The following LHFPL3 variants were observed in gnomAD, a reference collection of about 807,000 sequenced individuals.
LHFPL3 encodes LHFPL tetraspan subfamily member 3 protein.
Under a neutral mutation model 19.3 loss-of-function variants are expected in LHFPL3, and 5 were observed. The ratio of observed to expected loss-of-function variants is 0.26; its 90% CI spans 0.14 to 0.54. The LOEUF is 0.54. Among genes scored for constraint, LHFPL3 ranks in the 20% least tolerant of loss-of-function variants. The pLI, the probability that LHFPL3 is intolerant of heterozygous loss-of-function variation, is 0.94. For missense variants in LHFPL3, 249 were observed against 307.4 expected, an observed-to-expected ratio of 0.81 and a Z score of 1.42; for synonymous variants, 133 against 126.2, an observed-to-expected ratio of 1.05 and a Z score of -0.36.
intron 2 of LHFPL3, chr7:104,845,330 T>G: frequency 3.0e-6 from 3 of 998,440 alleles, no homozygotes; most frequent in African/African-American, 1.6e-5. Context: ...AAATGAAGTG[T>G]GAGCTCTTAT....
intron 1 of LHFPL3, among the ~76,000 whole-genome samples, chr7:104,561,471 T>G (rs1456608956): frequency 6.6e-6 from 1 of 150,494 alleles, no homozygotes; most frequent in Non-Finnish European, 1.5e-5. Flanking sequence ...TTTGTTGGTT[T>G]AAAGTCTGTT....
chr7:104,395,852 G>T (rs1263916617), intron 1 of LHFPL3, among the ~76,000 whole-genome samples: 1 of 152,102 alleles, frequency 6.6e-6, no homozygotes, highest in African/African-American at 2.4e-5. Context: ...TTTAGACTTT[G>T]CAACACTCTC....
chr7:104,868,865 T>C (rs1378626091), intron 2 of LHFPL3, among the ~76,000 whole-genome samples: 1 of 152,170 alleles, frequency 6.6e-6, no homozygotes, highest in East Asian at 1.9e-4. Context: ...ATGGTACTGG[T>C]ACCAAAACAG....
At chr7:104,395,398 T>G (rs1283984108) in intron 1 of LHFPL3, among the ~76,000 whole-genome samples, 1 of 152,232 alleles carries the variant, frequency 6.6e-6, no homozygotes, top group East Asian at 1.9e-4. Context: ...ATTCAGTGAC[T>G]TACCTGTGTG....
chr7:104,480,144 C>A (rs1793102886), intron 1 of LHFPL3, among the ~76,000 whole-genome samples: 1 of 152,134 alleles, frequency 6.6e-6, no homozygotes, highest in Admixed American at 6.5e-5. Flanking sequence ...GGAAGACAGA[C>A]CCCAGTGTGA....
chr7:104,401,653 A>G (rs1791313940), intron 1 of LHFPL3, among the ~76,000 whole-genome samples: 1 of 152,240 alleles, frequency 6.6e-6, no homozygotes, highest in Non-Finnish European at 1.5e-5. Flanking sequence ...TGAGAAAAAG[A>G]ATATTTAGAA....
At chr7:104,407,059 G>T (rs905508362) in intron 1 of LHFPL3, among the ~76,000 whole-genome samples, 3 of 152,136 alleles carry the variant, frequency 2.0e-5, no homozygotes, top group Admixed American at 2.0e-4. Context: ...GTACAATGGG[G>T]ATCACAGTAC....
At chr7:104,402,244 C>T (rs986376671) in intron 1 of LHFPL3, among the ~76,000 whole-genome samples, 11 of 152,138 alleles carry the variant, frequency 7.2e-5, no homozygotes, top group Non-Finnish European at 1.6e-4. Flanking sequence ...TCTTTGTTTT[C>T]CCTTATTAAT....
intron 1 of LHFPL3, among the ~76,000 whole-genome samples, chr7:104,526,959 C>T (rs1281576331): frequency 6.6e-6 from 1 of 152,064 alleles, no homozygotes; most frequent in Non-Finnish European, 1.5e-5. Context: ...AATAGTGGTA[C>T]ATGAAGTGAG....
At chr7:104,816,469 A>G (rs1204054213) in intron 2 of LHFPL3, among the ~76,000 whole-genome samples, 1 of 152,218 alleles carries the variant, frequency 6.6e-6, no homozygotes, top group Admixed American at 6.5e-5. Context: ...TGTGAGCTCT[A>G]CCTTGAACCC....
At chr7:104,784,026 A>C (rs1472417379) in intron 2 of LHFPL3, among the ~76,000 whole-genome samples, 2 of 152,212 alleles carry the variant, frequency 1.3e-5, no homozygotes, top group Non-Finnish European at 2.9e-5. Flanking sequence ...TGAGAGGCTC[A>C]ATGTAGTGCC....
chr7:104,814,563 C>T (rs571145017), intron 2 of LHFPL3, among the ~76,000 whole-genome samples: 11 of 152,296 alleles, frequency 7.2e-5, no homozygotes, highest in Admixed American at 7.2e-4. Context: ...CAGGTCCTCC[C>T]TGGCCTGAAG....
chr7:104,328,653 C>G lies in LHFPL3; in HGVS notation c.-127C>G, dbSNP rs920785574. ...GAGGATGCAGACTCTGAAACTGGTG[C>G]TGCTGGGCTGAGGCGGAGGCAGGGG... On this transcript the variant is annotated 5_prime_UTR_variant, in exon 1 of 3. Transcript: ENST00000424859. This position sits in a 1 kb window ranked among gnomAD's most constrained non-coding sequence, Gnocchi z 4.6. 1.5e-5 allele frequency: 12 copies of G among 801,062 alleles called. No homozygotes were observed. In the African/African-American group the frequency reaches 1.7e-4, roughly 11 times the overall value. The allele number at this position is 801,062 out of a possible 1,614,324, so 49.6% of individuals were successfully genotyped here.
chr7:104,378,256 A>T (rs1790756744), intron 1 of LHFPL3, among the ~76,000 whole-genome samples: 1 of 152,178 alleles, frequency 6.6e-6, no homozygotes, highest in Non-Finnish European at 1.5e-5. Context: ...ACCTCAGGCG[A>T]CTTCTGTCAT....
intron 2 of LHFPL3, chr7:104,826,276 T>C (rs1023370001): frequency 6.5e-6 from 1 of 153,176 alleles, no homozygotes; most frequent in African/African-American, 2.4e-5. Flanking sequence ...TGTGGGTCTT[T>C]GGAGCCTCTT....
intron 1 of LHFPL3, among the ~76,000 whole-genome samples, chr7:104,544,744 G>T (rs1036389030): frequency 2.0e-4 from 30 of 152,102 alleles, no homozygotes; most frequent in Non-Finnish European, 2.2e-4. Context: ...ATTTTTATAT[G>T]GTAAGTAGAA....
Position 104,704,771 on chromosome 7 carries a change from G to A in LHFPL3, c.446-31904G>A, listed in dbSNP as rs146234932. 6.8e-3 allele frequency among the ~76,000 whole-genome samples: 1,029 copies of A among 152,126 alleles called. 4 individuals are homozygous for A. The highest frequency in any genetic ancestry group is 0.017 in the Middle Eastern group (5 of 294). On this transcript the variant is annotated intron_variant, in intron 1 of 2. Coordinates refer to ENST00000424859, the MANE Select transcript of LHFPL3 (RefSeq NM_199000.3). The stretch of plus-strand genomic sequence containing the variant: ...CTGCCTCAGCCTCCCATGTAGCTGG[G>A]ACCACAAGCATGCACCACCATGCTC...
chr7:104,335,386 T>C (rs1789779786), intron 1 of LHFPL3, among the ~76,000 whole-genome samples: 1 of 152,248 alleles, frequency 6.6e-6, no homozygotes, highest in South Asian at 2.1e-4. Context: ...AAATAATTTT[T>C]TATTTACCAA....
At chr7:104,622,586 C>T (rs995114996) in intron 1 of LHFPL3, among the ~76,000 whole-genome samples, 2 of 152,084 alleles carry the variant, frequency 1.3e-5, no homozygotes, top group Admixed American at 1.3e-4. Flanking sequence ...ATCCTCATAC[C>T]CATTAGCAAT....
Sources: gnomAD v4.1 joint callset for allele counts (sites outside exome capture counted in the v4.1 genomes callset) on GRCh38, gnomAD v4.1.1 for gene constraint, Gnocchi (gnomAD v3.1) non-coding constraint, MANE v1.5 for transcripts, NCBI Gene and HGNC (gene_info 2026-07-23, HGNC 2026-07-21) for gene names.